The following SLC16A7 variants were observed in gnomAD, a reference collection of about 807,000 sequenced individuals.
SLC16A7 encodes the protein solute carrier family 16 member 7.
In SLC16A7, 33 loss-of-function variants were observed where a neutral mutation model predicts 34.9. The ratio of observed to expected loss-of-function variants is 0.94; its 90% confidence interval spans 0.72 to 1.26. The LOEUF is 1.26. SLC16A7 is among the 50% of genes most tolerant of loss of function. The pLI is 0.00. For synonymous variants in SLC16A7, 201 were observed against 206.6 expected (o/e 0.97, Z 0.23); for missense variants, 573 against 578.1 (o/e 0.99, Z 0.09).
intron 4 of SLC16A7, among the ~76,000 whole-genome samples, chr12:59,773,570 CTT>C (rs34811948): frequency 1.4e-5 from 2 of 145,730 alleles, no homozygotes. Context: ...AACCAATGTA[CTT>C]TTTTTTTTTT....
At chr12:59,768,038 C>T in intron 3 of SLC16A7, 1 of 394,530 alleles carries the variant, frequency 2.5e-6, no homozygotes, top group Middle Eastern at 5.8e-4. Flanking sequence ...CCCATGTATA[C>T]ATATGTAACA....
intron 1 of SLC16A7, among the ~76,000 whole-genome samples, chr12:59,630,000 A>T (rs1880107719): frequency 6.6e-6 from 1 of 151,922 alleles, no homozygotes; most frequent in African/African-American, 2.4e-5. Context: ...TCTATGCAGT[A>T]GGTACAAATT....
intron 2 of SLC16A7, among the ~76,000 whole-genome samples, chr12:59,704,349 C>T (rs375486350): frequency 8.5e-5 from 13 of 152,074 alleles, no homozygotes; most frequent in African/African-American, 2.4e-4. Context: ...TCCATCATTT[C>T]GTTCCTTGGC....
At chr12:59,777,820 A>C (rs1056233517) in intron 5 of SLC16A7, among the ~76,000 whole-genome samples, 4 of 99,862 alleles carry the variant, frequency 4.0e-5, no homozygotes, top group Non-Finnish European at 5.6e-5. Flanking sequence ...ACCCCACAAC[A>C]GTCCCCAGAG....
Position 59,785,355 on chromosome 12 carries a change from G to T in SLC16A7, c.*5676G>T, listed in dbSNP as rs1030082501. 6 of 152,008 alleles carry T rather than the reference G, an allele frequency of 3.9e-5. No individual in the cohort carries two copies. In the East Asian group the frequency reaches 1.2e-3, roughly 29 times the overall value. The allele number at this position is 152,008 out of a possible 1,614,324, so 9.4% of individuals were successfully genotyped here. ...TTTCTTCACTTTAATTCATTTATGT[G>T]CAAATCAGGGAAGAATTGCTGTAGT... On this transcript the variant is annotated 3_prime_UTR_variant, in exon 6 of 6. Transcript: ENST00000547379.
Position 59,782,095 on chromosome 12 carries a change from G to C in SLC16A7, c.*2416G>C, listed in dbSNP as rs1883291552. ...TTTCTAACACTGTATTAAATTGTTA[G>C]AAAAGAAAGTAAAACTTGCACATTC... On this transcript the variant is annotated 3_prime_UTR_variant, in exon 6 of 6. Coordinates refer to ENST00000547379, the MANE Select transcript of SLC16A7 (RefSeq NM_001270623.2). 6.6e-6 allele frequency: 1 copy of C among 152,108 alleles called. No individual in the cohort carries two copies. The highest frequency in any genetic ancestry group is 1.5e-5 in the Non-Finnish European group (1 of 68,014). 9.4% of individuals were successfully genotyped at this position (152,108 alleles called of 1,614,324 possible). A position where few individuals can be genotyped will look rare whatever the true frequency, so the allele number is the denominator to read the frequency against.
rs766151827 is a variant in SLC16A7, at chr12:59,774,866, G to T, written c.571G>T (p.Ala191Ser). ...LGSLLLNACV[A>S]GSLMRPLGPN... ...AAGTCTACTTTTGAATGCCTGTGTG[G>T]CTGGTTCCCTCATGAGACCCCTTGG... The change falls in exon 5 of 6, where the codon GCT becomes TCT. Residue 191 changes from alanine to serine, a missense_variant. Physicochemically the swap from Ala to Ser is moderately conservative, Grantham distance 99. Transcript: ENST00000547379. 104 of 1,613,742 alleles carry T rather than the reference G, an allele frequency of 6.4e-5. No individual in the cohort carries two copies. The highest frequency in any genetic ancestry group is 8.5e-5 in the Non-Finnish European group (100 of 1,179,942).
chr12:59,786,047 A>AG lies in SLC16A7; in HGVS notation c.*6374dup, dbSNP rs533497811. The AG allele has an allele frequency of 1.7e-5, 1 of 57,998 alleles. No individual in the cohort carries two copies. The highest frequency in any genetic ancestry group is 2.5e-4 in the Admixed American group (1 of 3,962). 3.6% of individuals were successfully genotyped at this position (57,998 alleles called of 1,614,324 possible). On this transcript the variant is annotated 3_prime_UTR_variant, in exon 6 of 6. Transcript: ENST00000547379. ...CTGGGGACTGTGGTGGGGTCGGGGG[A>AG]GGGGGGAGGGATAGCATTGGGAGAT... is the stretch of plus-strand genomic sequence containing the variant.
At chr12:59,636,598 G>A (rs539589151) in intron 1 of SLC16A7, among the ~76,000 whole-genome samples, 86 of 152,080 alleles carry the variant, frequency 5.7e-4, no homozygotes, top group Non-Finnish European at 9.4e-4. Context: ...CAAGTAGCTG[G>A]GACTACAGGT....
chr12:59,755,257 C>A (rs1880163313), intron 3 of SLC16A7, among the ~76,000 whole-genome samples: 1 of 151,966 alleles, frequency 6.6e-6, no homozygotes, highest in South Asian at 2.1e-4. Context: ...CTGGCCAGGG[C>A]AATTAGGCAG....
chr12:59,675,227 C>G (rs761498656), intron 2 of SLC16A7, among the ~76,000 whole-genome samples: 1 of 152,146 alleles, frequency 6.6e-6, no homozygotes, highest in Non-Finnish European at 1.5e-5. Context: ...ATTCACTGAT[C>G]GTAGTGTTAT....
At chr12:59,630,442 T>C (rs796403333) in intron 1 of SLC16A7, among the ~76,000 whole-genome samples, 5 of 152,032 alleles carry the variant, frequency 3.3e-5, no homozygotes, top group African/African-American at 1.2e-4. Context: ...TCTTTGAGGC[T>C]GTTTCCTCAT....
chr12:59,683,263 A>G (rs1870890289), intron 2 of SLC16A7, among the ~76,000 whole-genome samples: 1 of 152,184 alleles, frequency 6.6e-6, no homozygotes, highest in African/African-American at 2.4e-5. Flanking sequence ...TAGGCAAGAA[A>G]GATTTAAGGT....
intron 2 of SLC16A7, among the ~76,000 whole-genome samples, chr12:59,690,982 A>G (rs1029766443): frequency 6.6e-6 from 1 of 152,054 alleles, no homozygotes; most frequent in Admixed American, 6.6e-5. Flanking sequence ...AGTACAACTC[A>G]CAACCAAGTA....
At chr12:59,746,694 T>C (rs1036632759) in intron 3 of SLC16A7, among the ~76,000 whole-genome samples, 1 of 152,204 alleles carries the variant, frequency 6.6e-6, no homozygotes, top group Non-Finnish European at 1.5e-5. Context: ...AGAAAATTAT[T>C]TTATCTTTTC....
intron 2 of SLC16A7, among the ~76,000 whole-genome samples, chr12:59,662,886 T>A (rs1034414687): frequency 3.9e-5 from 6 of 152,130 alleles, no homozygotes; most frequent in Admixed American, 6.6e-5. Context: ...ATGTTTAAGA[T>A]GTTAAGGTAA....
At chr12:59,672,201 C>CGTGT (rs1869913992) in intron 2 of SLC16A7, among the ~76,000 whole-genome samples, 1 of 16,932 alleles carries the variant, frequency 5.9e-5, no homozygotes, top group African/African-American at 1.4e-4. Flanking sequence ...CGTATATATA[C>CGTGT]ATATATACGT....
intron 3 of SLC16A7, among the ~76,000 whole-genome samples, chr12:59,711,234 C>A (rs1470627745): frequency 1.3e-5 from 2 of 152,066 alleles, no homozygotes; most frequent in East Asian, 3.9e-4. Context: ...CTACTGTTCC[C>A]AGAAGAAGGA....
intron 4 of SLC16A7, among the ~76,000 whole-genome samples, chr12:59,774,132 G>T: frequency 6.6e-6 from 1 of 152,074 alleles, no homozygotes; most frequent in East Asian, 1.9e-4. Flanking sequence ...TGAAATTTTT[G>T]TTATTTGCAT....
Sources: allele counts gnomAD v4.1 joint callset (sites outside exome capture counted in the v4.1 genomes callset), GRCh38; gene constraint gnomAD v4.1.1; transcripts MANE v1.5; gene names NCBI Gene and HGNC (gene_info 2026-07-23, HGNC 2026-07-21).